The following DLGAP4 variants were observed in gnomAD, a reference collection of about 807,000 sequenced individuals.
DLGAP4 encodes DLG associated protein 4.
In DLGAP4, 18 loss-of-function variants were observed where a neutral mutation model predicts 86.9. The observed-to-expected ratio is 0.21, with a 90% CI of 0.14 to 0.31. DLGAP4 has a LOEUF of 0.31. Among genes scored for constraint, DLGAP4 ranks in the 10% least tolerant of loss-of-function variants. The pLI is 1.00. For synonymous variants in DLGAP4, 548 were observed against 574.3 expected (o/e 0.95, Z 0.65); for missense variants, 1,085 against 1,362.6 (o/e 0.80, Z 3.21).
chr20:36,516,590 C>T (rs1411763254), intron 10 of DLGAP4, among the ~76,000 whole-genome samples: 4 of 149,124 alleles, frequency 2.7e-5, no homozygotes, highest in Non-Finnish European at 5.9e-5. Flanking sequence ...CACTTGAACC[C>T]GGGAGGCAGA....
In DLGAP4 at chr20:36,527,069, A is replaced by AAAAC. The variant is rs773903368; in HGVS notation, c.*40_*43dup. ...GGAAAGAAACGATTTTAAATCATTA[A>AAAAC]AAACACAAAAACTAAGTGCGAACGG... On this transcript the variant is annotated 3_prime_UTR_variant, in exon 13 of 13. Transcript: ENST00000339266. 7.9e-5 allele frequency: 123 copies of AAAAC among 1,548,260 alleles called. No homozygotes were observed. The highest frequency in any genetic ancestry group is 7.1e-4 in the Middle Eastern group (4 of 5,668).
At chr20:36,488,080 A>G (rs1213201377) in intron 7 of DLGAP4, among the ~76,000 whole-genome samples, 1 of 151,238 alleles carries the variant, frequency 6.6e-6, no homozygotes, top group Non-Finnish European at 1.5e-5. Context: ...CGCGCCTATA[A>G]TCCCAGCTAC....
chr20:36,307,269 T>C (rs1024804642), intron 1 of DLGAP4, among the ~76,000 whole-genome samples: 75 of 152,214 alleles, frequency 4.9e-4, no homozygotes, highest in African/African-American at 1.8e-3. Flanking sequence ...TCAGAGCTGG[T>C]GGCGGATGGA....
intron 2 of DLGAP4, among the ~76,000 whole-genome samples, chr20:36,401,520 T>C (rs577098337): frequency 6.6e-6 from 1 of 152,356 alleles, no homozygotes; most frequent in African/African-American, 2.4e-5. Context: ...TTTGCAACAT[T>C]GCCCTTCCTG....
intron 1 of DLGAP4, among the ~76,000 whole-genome samples, chr20:36,347,169 G>T (rs557901298): frequency 4.6e-4 from 70 of 152,290 alleles, no homozygotes; most frequent in Middle Eastern, 3.4e-3. Flanking sequence ...CTCAAGGAAG[G>T]CTGAGGATGG....
intron 2 of DLGAP4, among the ~76,000 whole-genome samples, chr20:36,397,554 TTTG>T (rs1324161581): frequency 2.0e-5 from 3 of 152,136 alleles, no homozygotes; most frequent in South Asian, 4.1e-4. Context: ...TGCTTTTCAG[TTTG>T]TTTTTTTCTT....
At chr20:36,402,515 A>G (rs1285496435) in intron 2 of DLGAP4, among the ~76,000 whole-genome samples, 1 of 152,180 alleles carries the variant, frequency 6.6e-6, no homozygotes, top group East Asian at 1.9e-4. Context: ...TGGGAGATCA[A>G]GATGGGAAGA....
At chr20:36,421,976 C>T (rs1279242517) in intron 2 of DLGAP4, among the ~76,000 whole-genome samples, 1 of 151,990 alleles carries the variant, frequency 6.6e-6, no homozygotes, top group Non-Finnish European at 1.5e-5. Flanking sequence ...CGGAGAGCAC[C>T]CGGGTCCTCT....
intron 2 of DLGAP4, among the ~76,000 whole-genome samples, chr20:36,414,774 A>G (rs1403040706): frequency 6.6e-6 from 1 of 152,238 alleles, no homozygotes; most frequent in African/African-American, 2.4e-5. Flanking sequence ...CTCATGGGAA[A>G]TGGCCACTAG....
At chr20:36,427,005 C>T (rs562556411) in intron 2 of DLGAP4, among the ~76,000 whole-genome samples, 2 of 151,062 alleles carry the variant, frequency 1.3e-5, no homozygotes, top group African/African-American at 4.9e-5. Flanking sequence ...TAATGAGACT[C>T]CTGTCTGTAC....
chr20:36,376,449 A>G (rs544194138), intron 2 of DLGAP4, among the ~76,000 whole-genome samples: 9 of 152,096 alleles, frequency 5.9e-5, no homozygotes, highest in Non-Finnish European at 1.3e-4. Context: ...CCAGCCTGGG[A>G]TACAGAGCAA....
At chr20:36,462,103 T>G in intron 7 of DLGAP4, 1 of 996,576 alleles carries the variant, frequency 1.0e-6, no homozygotes, top group Non-Finnish European at 1.2e-6. Context: ...GGGTCTCGCC[T>G]CCTCTGAACC....
At chr20:36,494,938 C>CCTCATCT (rs967274652) in intron 7 of DLGAP4, among the ~76,000 whole-genome samples, 2 of 150,976 alleles carry the variant, frequency 1.3e-5, no homozygotes, top group African/African-American at 4.9e-5. Flanking sequence ...CATAGTGAGA[C>CCTCATCT]CTCATCTCTA....
At chr20:36,512,243 A>T (rs972939505) in intron 10 of DLGAP4, among the ~76,000 whole-genome samples, 1 of 151,440 alleles carries the variant, frequency 6.6e-6, no homozygotes, top group South Asian at 2.1e-4. Context: ...ATAGAGATGG[A>T]GTTTCACCGT....
At chr20:36,332,226 G>A (rs1423709162) in intron 1 of DLGAP4, among the ~76,000 whole-genome samples, 1 of 151,952 alleles carries the variant, frequency 6.6e-6, no homozygotes, top group Non-Finnish European at 1.5e-5. Flanking sequence ...GCTGGGCAAG[G>A]GATTCAGAGC....
At chr20:36,519,365 A>AT (rs1344738337) in intron 10 of DLGAP4, among the ~76,000 whole-genome samples, 1 of 152,168 alleles carries the variant, frequency 6.6e-6, no homozygotes, top group Non-Finnish European at 1.5e-5. Flanking sequence ...GAATGTGGTC[A>AT]TTTTTAGCAA....
intron 1 of DLGAP4, among the ~76,000 whole-genome samples, chr20:36,363,506 C>T (rs1341389016): frequency 2.6e-5 from 4 of 152,030 alleles, no homozygotes; most frequent in Non-Finnish European, 5.9e-5. Context: ...AAAGGAGGAC[C>T]GGTGGCACTG....
intron 1 of DLGAP4, among the ~76,000 whole-genome samples, chr20:36,362,563 A>C (rs1344754480): frequency 1.3e-5 from 2 of 152,188 alleles, no homozygotes; most frequent in Non-Finnish European, 2.9e-5. Context: ...AAGGAGGGAA[A>C]ACCCAGAGCT....
chr20:36,459,587 A>C (rs2033968369), intron 7 of DLGAP4, among the ~76,000 whole-genome samples: 1 of 152,140 alleles, frequency 6.6e-6, no homozygotes, highest in Non-Finnish European at 1.5e-5. Context: ...TATGTTGCCC[A>C]GGCTGGTCTT....
Sources: allele counts gnomAD v4.1 joint callset (sites outside exome capture counted in the v4.1 genomes callset), GRCh38; gene constraint gnomAD v4.1.1; transcripts MANE v1.5; gene names NCBI Gene and HGNC (gene_info 2026-07-23, HGNC 2026-07-21).